The following CFAP61 variants were observed in gnomAD, a reference collection of about 807,000 sequenced individuals.
CFAP61 encodes the protein cilia- and flagella-associated protein 61.
Under a neutral mutation model 135.6 loss-of-function variants are expected in CFAP61, and 107 were observed. That is an observed-to-expected ratio of 0.79 (90% confidence interval 0.67 to 0.93). The LOEUF (loss-of-function observed/expected upper bound fraction) is 0.93. CFAP61 is among the 40% of genes least tolerant of loss of function. CFAP61 has a pLI of 0.00. For missense variants in CFAP61, 1,507 were observed against 1,556.2 expected (o/e 0.97, Z 0.53); for synonymous variants, 575 against 578.5 (o/e 0.99, Z 0.09).
chr20:20,295,991 C>CTCCTTCCTTCCT (rs1208157861), intron 24 of CFAP61, among the ~76,000 whole-genome samples: 1 of 88,936 alleles, frequency 1.1e-5, no homozygotes, highest in Non-Finnish European at 2.5e-5. Context: ...GCATGCTTCC[C>CTCCTTCCTTCCT]TCCTTCCTTC....
chr20:20,077,658 G>A (rs1408182875), intron 6 of CFAP61, among the ~76,000 whole-genome samples: 1 of 152,230 alleles, frequency 6.6e-6, no homozygotes, highest in Non-Finnish European at 1.5e-5. Context: ...TGTAAGATGT[G>A]CATTGGTTCA....
At chr20:20,113,202 C>G (rs1195145433) in intron 8 of CFAP61, among the ~76,000 whole-genome samples, 1 of 152,096 alleles carries the variant, frequency 6.6e-6, no homozygotes, top group Non-Finnish European at 1.5e-5. Context: ...TCAAATCTTC[C>G]ATAACTTCAT....
At chr20:20,210,384 T>C (rs557741482) in intron 17 of CFAP61, among the ~76,000 whole-genome samples, 1 of 152,342 alleles carries the variant, frequency 6.6e-6, no homozygotes, top group Admixed American at 6.5e-5. Context: ...TTTTGATGCA[T>C]AACAGTCAGG....
chr20:20,336,894 A>C (rs927616107), intron 25 of CFAP61, among the ~76,000 whole-genome samples: 3 of 151,478 alleles, frequency 2.0e-5, no homozygotes, highest in Admixed American at 6.6e-5. Context: ...GACATTCTCC[A>C]CCCCCACCCA....
intron 17 of CFAP61, among the ~76,000 whole-genome samples, chr20:20,210,226 T>C (rs1399690548): frequency 1.3e-5 from 2 of 152,158 alleles, no homozygotes; most frequent in African/African-American, 4.8e-5. Context: ...CCTTCCACTT[T>C]CCTGGCCTTA....
intron 13 of CFAP61, among the ~76,000 whole-genome samples, chr20:20,173,950 G>A (rs6046697): frequency 0.9 from 137,366 of 152,220 alleles, 62,803 homozygotes; most frequent in Middle Eastern, 0.99. Context: ...CTCTTTTACT[G>A]TGTCCATGCA....
At chr20:20,323,714 T>TA (rs1289131300) in intron 25 of CFAP61, among the ~76,000 whole-genome samples, 10 of 152,284 alleles carry the variant, frequency 6.6e-5, no homozygotes, top group African/African-American at 2.4e-4. Flanking sequence ...ATAAAAGTAG[T>TA]ACATGATCAT....
chr20:20,122,225 C>T (rs1270554659), intron 8 of CFAP61, among the ~76,000 whole-genome samples: 3 of 151,982 alleles, frequency 2.0e-5, no homozygotes, highest in Non-Finnish European at 4.4e-5. Context: ...ACAATCTTGG[C>T]TCACTGCAAC....
intron 26 of CFAP61, among the ~76,000 whole-genome samples, chr20:20,349,806 G>A (rs1313401700): frequency 6.6e-6 from 1 of 152,110 alleles, no homozygotes; most frequent in Non-Finnish European, 1.5e-5. Context: ...ATATTGTTAG[G>A]ATGGCAATAC....
In CFAP61 at chr20:20,288,820, G is replaced by T. The variant is rs201416287; in HGVS notation, c.3008G>T (p.Gly1003Val). 6.2e-7 allele frequency: 1 copy of T among 1,614,126 alleles called. No homozygotes were observed. Among genetic ancestry groups the T allele is most frequent in the Admixed American group, 1.7e-5 (1 of 60,016 alleles). The change falls in exon 23 of 27, where the codon GGC becomes GTC. Residue 1003 changes from glycine (G) to valine (V), a missense_variant. Coordinates refer to ENST00000245957, the MANE Select transcript of CFAP61 (RefSeq NM_015585.4). ...AGCAACTTCAGTTCCAAAGAAATTG[G>T]CTTTCAGCTGGCAGCAGCTATGCTA... ...THSNFSSKEI[G>V]FQLAAAMLHL...
intron 2 of CFAP61, among the ~76,000 whole-genome samples, chr20:20,067,780 A>G (rs1274689497): frequency 7.6e-6 from 1 of 130,740 alleles, no homozygotes; most frequent in Middle Eastern, 4.1e-3. Flanking sequence ...TATTTATTAT[A>G]TATATATATA....
intron 6 of CFAP61, among the ~76,000 whole-genome samples, chr20:20,077,261 T>C (rs73291621): frequency 0.1 from 15,552 of 152,216 alleles, 2,669 homozygotes; most frequent in African/African-American, 0.35. Context: ...ACCATTTACA[T>C]ATAGTAGCAT....
At chr20:20,215,395 A>G (rs902089184) in intron 17 of CFAP61, 2 of 152,204 alleles carry the variant, frequency 1.3e-5, no homozygotes, top group Non-Finnish European at 2.9e-5. Context: ...CCTCTAATCT[A>G]TCTGTATTTT....
At chr20:20,273,123 C>A (rs1415322428) in intron 21 of CFAP61, among the ~76,000 whole-genome samples, 2 of 150,366 alleles carry the variant, frequency 1.3e-5, no homozygotes, top group South Asian at 4.2e-4. Context: ...TCAAGCAGTC[C>A]TCCTGTCTTG....
At chr20:20,308,538 C>T (rs139689609) in intron 25 of CFAP61, among the ~76,000 whole-genome samples, 217 of 152,236 alleles carry the variant, frequency 1.4e-3, no homozygotes, top group Non-Finnish European at 2.4e-3. Context: ...AAGGGACACT[C>T]GGCCTTGCTG....
rs188631145 is a variant in CFAP61, at chr20:20,230,222, G to A, written c.2060+1846G>A. Among the ~76,000 whole-genome samples the A allele has an allele frequency of 2.3e-3, 344 of 152,238 alleles. 2 individuals are homozygous for A. Among genetic ancestry groups the A allele is most frequent in the African/African-American group, 8.1e-3 (337 of 41,556 alleles). On this transcript the variant is annotated intron_variant, in intron 18 of 26. Coordinates refer to ENST00000245957, the MANE Select transcript of CFAP61 (RefSeq NM_015585.4). ...TCCCAATCAAACAGAGCTTTTTAAAGCATTCTAAAATACTCATAATTCTCT... is the reference window on the plus strand; with the variant it reads ...TCCCAATCAAACAGAGCTTTTTAAAACATTCTAAAATACTCATAATTCTCT...
intron 13 of CFAP61, among the ~76,000 whole-genome samples, chr20:20,182,504 C>G (rs1221541190): frequency 2.0e-5 from 3 of 151,930 alleles, no homozygotes; most frequent in Non-Finnish European, 4.4e-5. Context: ...AGTTCAGCTT[C>G]ACGAGAGCAG....
chr20:20,186,476 T>A (rs1204451821), intron 13 of CFAP61, among the ~76,000 whole-genome samples: 1 of 152,216 alleles, frequency 6.6e-6, no homozygotes, highest in Non-Finnish European at 1.5e-5. Context: ...AATGCTGCTA[T>A]GAAAATTCAT....
chr20:20,171,124 A>G (rs977304359), intron 13 of CFAP61, among the ~76,000 whole-genome samples: 1 of 152,138 alleles, frequency 6.6e-6, no homozygotes, highest in African/African-American at 2.4e-5. Context: ...ACCACCCCAC[A>G]TATTGTTTCT....
Sources: allele counts gnomAD v4.1 joint callset (sites outside exome capture counted in the v4.1 genomes callset), GRCh38; gene constraint gnomAD v4.1.1; transcripts MANE v1.5; gene names NCBI Gene and HGNC (gene_info 2026-07-23, HGNC 2026-07-21).